The following XPO7 variants were observed in gnomAD, a reference collection of about 807,000 sequenced individuals.
The protein encoded by XPO7 is exportin-7.
Under a neutral mutation model 144.3 loss-of-function variants are expected in XPO7, and 21 were observed. The observed-to-expected ratio is 0.15, with a 90% CI of 0.10 to 0.21. The LOEUF (loss-of-function observed/expected upper bound fraction) is 0.21. XPO7 is among the 10% of genes least tolerant of loss of function. XPO7 has a pLI of 1.00. For missense variants in XPO7, 808 were observed against 1,325.8 expected (o/e 0.61, Z 6.06); for synonymous variants, 580 against 499.6 (o/e 1.16, Z -2.15).
At chr8:21,941,298 C>A (rs893316825) in intron 1 of XPO7, among the ~76,000 whole-genome samples, 44 of 151,954 alleles carry the variant, frequency 2.9e-4, no homozygotes, top group African/African-American at 1.0e-3. Flanking sequence ...AAACTACAGG[C>A]GGGTGCCACC....
At position 21,991,900 on chromosome 8, in the gene XPO7, C is replaced by T. The variant is rs1264217025; in HGVS notation, c.2074C>T (p.Leu692=). The stretch of plus-strand genomic sequence containing the variant: ...TGAAGATCAGTATGAGCAGTTCATG[C>T]TGCCACTCACAGCAGCATTTGAGGC... The part of the protein sequence containing the change: ...EDEDQYEQFM[L]PLTAAFEAVA... Residue 692 remains leucine (L), a synonymous_variant, in exon 19 of 28, where the codon CTG becomes TTG. Transcript: ENST00000252512. 2 of 1,613,246 alleles carry T rather than the reference C, an allele frequency of 1.2e-6. No individual in the cohort carries two copies. Among genetic ancestry groups the T allele is most frequent in the Non-Finnish European group, 1.7e-6 (2 of 1,179,764 alleles).
chr8:21,968,126 G>A (rs1811945278), intron 2 of XPO7, among the ~76,000 whole-genome samples: 1 of 152,152 alleles, frequency 6.6e-6, no homozygotes, highest in Admixed American at 6.5e-5. Context: ...CATCATTCTT[G>A]TGTGTGTGGA....
rs1229526320 is a variant in XPO7 at position 21,995,062 on chromosome 8, AT to A, written c.2238-429del. Reference sequence around the variant, plus strand: ...GAGCGAGACTCCATCTCAAAAAAAAATAAATAATAATAATAATAATAATAAA... The same window carrying A: ...GAGCGAGACTCCATCTCAAAAAAAAAAAATAATAATAATAATAATAATAAA... On this transcript the variant is annotated intron_variant, in intron 20 of 27. Transcript: ENST00000252512. Among the ~76,000 whole-genome samples, 240 of 139,706 alleles carry A rather than the reference AT, an allele frequency of 1.7e-3. 2 individuals are homozygous for A. The highest frequency in any genetic ancestry group is 6.8e-3 in the African/African-American group (221 of 32,646). 91.7% of individuals were successfully genotyped at this position (139,706 alleles called of 152,430 possible). A position where few individuals can be genotyped will look rare whatever the true frequency, so the allele number is the denominator to read the frequency against.
intron 5 of XPO7, among the ~76,000 whole-genome samples, chr8:21,973,192 CTCTTA>C (rs1563327526): frequency 6.6e-6 from 1 of 152,194 alleles, no homozygotes; most frequent in East Asian, 1.9e-4. Context: ...TATTTAACCA[CTCTTA>C]TCTTTGCAGC....
At chr8:21,956,105 C>G (rs1243925401) in intron 1 of XPO7, among the ~76,000 whole-genome samples, 1 of 152,158 alleles carries the variant, frequency 6.6e-6, no homozygotes, top group Non-Finnish European at 1.5e-5. Flanking sequence ...AAAAGGGGAG[C>G]ATGGAGGATA....
chr8:21,999,873 G>T (rs1813080092), intron 24 of XPO7, among the ~76,000 whole-genome samples, 199 bp downstream of exon 24: 1 of 152,204 alleles, frequency 6.6e-6, no homozygotes, highest in Non-Finnish European at 1.5e-5. Context: ...ACAAGGCCCT[G>T]TGGAAGCACT....
chr8:21,948,533 C>T (rs780137378), intron 1 of XPO7, among the ~76,000 whole-genome samples: 11 of 152,064 alleles, frequency 7.2e-5, no homozygotes, highest in Non-Finnish European at 1.3e-4. Flanking sequence ...GTATCCCCAT[C>T]GATAACGCAA....
intron 17 of XPO7, 102 bp downstream of exon 17, chr8:21,990,509 C>T (rs1812736376): frequency 1.5e-6 from 2 of 1,332,576 alleles, no homozygotes; most frequent in African/African-American, 1.4e-5. Flanking sequence ...GGTATTGCTA[C>T]AGCAAAGACG....
Position 21,970,226 on chromosome 8 carries a change from A to C in XPO7, c.342A>C (p.Arg114Ser). 6.2e-7 allele frequency: 1 copy of C among 1,613,866 alleles called. No individual in the cohort carries two copies. Among genetic ancestry groups the C allele is most frequent in the Non-Finnish European group, 8.5e-7 (1 of 1,179,842 alleles). Residue 114 changes from arginine to serine, a missense_variant, in exon 4 of 28, where the codon AGA (arginine) becomes AGC (serine). Arg to Ser is a moderately radical substitution (Grantham distance 110, BLOSUM62 -1). Around this residue, in one of 5 missense-constraint regions of XPO7, gnomAD observed 223 missense variants for 368.8 expected, o/e 0.60. Transcript: ENST00000252512. ...AAGCACTTATTCAGTTATATGCCAG[A>C]ATCACAAAACTGGGCTGGTTTGACT... Reference protein sequence around the residue: ...VTQALIQLYARITKLGWFDCQ... With the variant: ...VTQALIQLYASITKLGWFDCQ...
chr8:21,980,341 T>C (rs1812363406), intron 9 of XPO7, 138 bp downstream of exon 9: 9 of 1,126,196 alleles, frequency 8.0e-6, no homozygotes, highest in Non-Finnish European at 1.1e-5. Context: ...TCTCTATTTG[T>C]AGGCCAATTC....
chr8:21,987,959 T>C (rs1400653603), intron 15 of XPO7, 102 bp downstream of exon 15: 2 of 1,253,032 alleles, frequency 1.6e-6, no homozygotes, highest in Non-Finnish European at 2.2e-6. Context: ...TATTCCAGCA[T>C]TGATCGTTTG....
intron 7 of XPO7, among the ~76,000 whole-genome samples, chr8:21,976,835 G>A (rs1226494532): frequency 6.6e-6 from 1 of 152,072 alleles, no homozygotes; most frequent in Non-Finnish European, 1.5e-5. Context: ...GTTTGTTTAT[G>A]TTTTGTAGAA....
chr8:21,995,637 C>A, intron 21 of XPO7, 38 bp downstream of exon 21: 2 of 1,473,588 alleles, frequency 1.4e-6, no homozygotes, highest in Non-Finnish European at 1.9e-6. Context: ...CACATCTGCC[C>A]TGTTATCTGA....
chr8:22,005,125 C>A lies in XPO7; in HGVS notation c.*37C>A. The A allele has an allele frequency of 6.4e-7, 1 of 1,551,414 alleles. No homozygotes were observed. Among genetic ancestry groups the A allele is most frequent in the South Asian group, 1.2e-5 (1 of 86,026 alleles). On this transcript the variant is annotated 3_prime_UTR_variant, in exon 28 of 28. Transcript: ENST00000252512. ...ACTCTACCTGTACAGAGCAGCGTCC[C>A]TTTGGTTTGGCCCAGAGGGGCGAAC...
intron 1 of XPO7, among the ~76,000 whole-genome samples, chr8:21,961,773 C>T (rs926760234): frequency 5.3e-5 from 8 of 152,208 alleles, no homozygotes; most frequent in Admixed American, 2.0e-4. Flanking sequence ...AGAGATTCTC[C>T]GGCCTCAGCC....
At chr8:21,973,958 T>C (rs1217886676) in intron 5 of XPO7, among the ~76,000 whole-genome samples, 4 of 152,224 alleles carry the variant, frequency 2.6e-5, no homozygotes, top group African/African-American at 7.2e-5. Flanking sequence ...GAGGTGAATA[T>C]TATGGGCTGT....
chr8:22,003,320 G>A lies in XPO7; in HGVS notation c.3042+3G>A. On this transcript the variant is annotated splice_donor_region_variant and intron_variant, in intron 26 of 27. Coordinates refer to ENST00000252512, the MANE Select transcript of XPO7 (RefSeq NM_015024.5). ...GCTTGATATTGCTTAATGAAAAGGT[G>A]AGAGAGCCAGCTCCCTGGTGCCAAC... 6.2e-7 allele frequency: 1 copy of A among 1,604,952 alleles called. No individual in the cohort carries two copies. The highest frequency in any genetic ancestry group is 8.5e-7 in the Non-Finnish European group (1 of 1,175,620).
chr8:21,951,083 G>A (rs540560054), intron 1 of XPO7, among the ~76,000 whole-genome samples: 9 of 151,958 alleles, frequency 5.9e-5, no homozygotes, highest in East Asian at 1.9e-4. Flanking sequence ...GCGACAGAGC[G>A]AGTAAATTTA....
At chr8:21,991,638 C>T (rs537741183) in intron 18 of XPO7, 32 of 388,404 alleles carry the variant, frequency 8.2e-5, no homozygotes, top group Non-Finnish European at 1.3e-4. Flanking sequence ...TGTGGCTCAG[C>T]ATCAACAAAC....
Sources: allele counts gnomAD v4.1 joint callset (sites outside exome capture counted in the v4.1 genomes callset), GRCh38; gene constraint gnomAD v4.1.1; regional missense constraint gnomAD v4.1.1; transcripts MANE v1.5; gene names NCBI Gene and HGNC (gene_info 2026-07-23, HGNC 2026-07-21).